Variants in NEB observed in about 807,000 individuals in gnomAD.
NEB encodes the protein nebulin.
A neutral mutation model predicts 952.2 loss-of-function variants in NEB; 512 were observed. The observed-to-expected ratio is 0.54, with a 90% CI of 0.50 to 0.58. NEB has a LOEUF of 0.58. NEB is among the 20% of genes least tolerant of loss of function. The pLI is 0.00. For synonymous variants in NEB, 2,900 were observed against 3,149.8 expected, an observed-to-expected ratio of 0.92 and a Z score of 2.66; for missense variants, 8,428 against 9,231.1, an observed-to-expected ratio of 0.91 and a Z score of 3.56.
At chr2:151,622,530 A>G (rs1214761006) in intron 71 of NEB, among the ~76,000 whole-genome samples, 1 of 151,932 alleles carries the variant, frequency 6.6e-6, no homozygotes, top group East Asian at 1.9e-4. Context: ...ATTTATTAAC[A>G]TTTTTGCCAT....
chr2:151,682,322 TGTGA>T, intron 29 of NEB, among the ~76,000 whole-genome samples: 1 of 152,336 alleles, frequency 6.6e-6, no homozygotes, highest in South Asian at 2.1e-4. Flanking sequence ...GTACACTTAA[TGTGA>T]GTTACTTTTA....
At chr2:151,675,139 G>C in intron 35 of NEB, 148 bp downstream of exon 35, 1 of 691,930 alleles carries the variant, frequency 1.4e-6, no homozygotes, top group Non-Finnish European at 2.6e-6. Flanking sequence ...CAACTGAAGA[G>C]GTAAAGAACC....
intron 65 of NEB, 130 bp from the exon 66 acceptor site, chr2:151,631,476 A>C (rs2098666406): frequency 2.1e-6 from 2 of 969,286 alleles, no homozygotes; most frequent in Middle Eastern, 2.4e-4. Context: ...TGTATAAGGC[A>C]AACTAAAAGA....
intron 36 of NEB, among the ~76,000 whole-genome samples, chr2:151,673,413 G>C (rs1308202766): frequency 6.7e-6 from 1 of 149,434 alleles, no homozygotes; most frequent in Admixed American, 6.7e-5. Flanking sequence ...TTTCTAACAT[G>C]TGAAAAATCA....
chr2:151,690,072 G>C (rs1269153648), intron 24 of NEB: 1 of 152,630 alleles, frequency 6.6e-6, no homozygotes, highest in African/African-American at 2.4e-5. Flanking sequence ...TTATTAGAAA[G>C]TCAGAATATG....
In NEB at chr2:151,617,383, T is replaced by C; in HGVS notation, c.11162A>G (p.Asn3721Ser). 1 of 1,560,530 alleles carries C rather than the reference T, an allele frequency of 6.4e-7. No homozygotes were observed. Among genetic ancestry groups the C allele is most frequent in the East Asian group, 2.3e-5 (1 of 43,026 alleles). Residue 3721 changes from asparagine to serine, a missense_variant, in exon 75 of 182, where the codon AAC becomes AGC. Physicochemically the swap from Asn to Ser is conservative, Grantham distance 46 (BLOSUM62 1). This residue lies in a region of NEB where 1,772 missense variants were observed against 1,960.3 expected (regional missense o/e 0.90). Transcript: ENST00000397345. Reference sequence around the variant, plus strand: ...ACTTACATCACTGTAGTTTATTCGGTTGAGTTTGGCTAACATGATTTCTGG... The same window carrying C: ...ACTTACATCACTGTAGTTTATTCGGCTGAGTTTGGCTAACATGATTTCTGG... ...DTPEIMLAKL[N>S]RINYSDKLYK...
rs371819541 is a variant in NEB, at chr2:151,655,988, T to G, written c.6531A>C (p.Lys2177Asn). The change falls in exon 50 of 182, where the codon AAA (lysine) becomes AAC (asparagine). Residue 2177 changes from lysine to asparagine, a missense_variant. By Grantham distance (94) the Lys-to-Asn change is moderately conservative. This residue lies in a region of NEB where 2,851 missense variants were observed against 2,791.5 expected (regional missense o/e 1.02). Transcript: ENST00000397345. ...AACCTGCTGGACTCCAGCCAAGCCC[T>G]TTGTACCATTCATTGTAATCTTGCT... ...EYKQDYNEWY[K>N]GLGWSPAGSL... 1 of 1,613,710 alleles carries G rather than the reference T, an allele frequency of 6.2e-7. No homozygotes were observed. The highest frequency in any genetic ancestry group is 8.5e-7 in the Non-Finnish European group (1 of 1,179,732).
chr2:151,565,702 T>C lies in NEB; in HGVS notation c.18261+14A>G. The C allele has an allele frequency of 6.2e-7, 1 of 1,606,128 alleles. No individual in the cohort carries two copies. The highest frequency in any genetic ancestry group is 2.2e-5 in the East Asian group (1 of 44,652). ...GGACAGGCATAGGTTAGAAGGAGAA[T>C]AGGCTTTGCGTACCTGACTCATCAT... On this transcript the variant is annotated intron_variant, in intron 115 of 181. Coordinates refer to ENST00000397345, the MANE Select transcript of NEB (RefSeq NM_001164508.2).
In NEB at chr2:151,610,954, C is replaced by A. The variant is rs145487424; in HGVS notation, c.11806-88G>T. The A allele has an allele frequency of 2.0e-4, 161 of 786,726 alleles. 1 individual carries two copies. The East Asian group carries it at 4.4e-3, about 21-fold the overall frequency. 48.7% of individuals were successfully genotyped at this position (786,726 alleles called of 1,614,324 possible). On this transcript the variant is annotated intron_variant, in intron 78 of 181. Transcript: ENST00000397345. ...CCAATAACATCATTACAGTTGTTAGCAAATTTAACTCACATTTAACTATAA... is the reference window on the plus strand; with the variant it reads ...CCAATAACATCATTACAGTTGTTAGAAAATTTAACTCACATTTAACTATAA...
chr2:151,644,555 A>G lies in NEB; in HGVS notation c.7557T>C (p.Tyr2519=). The change falls in exon 56 of 182, where the codon TAT becomes TAC. Residue 2519 remains tyrosine (Y), a synonymous_variant. Coordinates refer to ENST00000397345, the MANE Select transcript of NEB (RefSeq NM_001164508.2). ...CGTAACCTTTTCTCTTCAGCTCCTCATAACCCATTCGGTAGAGTTTCTGTT... is the reference window on the plus strand; with the variant it reads ...CGTAACCTTTTCTCTTCAGCTCCTCGTAACCCATTCGGTAGAGTTTCTGTT... ...NTSDKLYRMG[Y]EELKRKGYDL... is the part of the protein sequence containing the mutation. 1.2e-6 allele frequency: 2 copies of G among 1,613,800 alleles called. No individual in the cohort carries two copies. Among genetic ancestry groups the G allele is most frequent in the African/African-American group, 1.3e-5 (1 of 75,060 alleles).
chr2:151,710,231 C>A (rs911937974), intron 11 of NEB, among the ~76,000 whole-genome samples: 2 of 152,168 alleles, frequency 1.3e-5, no homozygotes, highest in Non-Finnish European at 2.9e-5. Flanking sequence ...GAAATAATGG[C>A]ATGTGGCCAA....
At chr2:151,663,983 G>A (rs2099175508) in intron 44 of NEB, 124 bp from the exon 45 acceptor site, 4 of 951,210 alleles carry the variant, frequency 4.2e-6, no homozygotes, top group Non-Finnish European at 6.1e-6. Flanking sequence ...TGGAAGGGAG[G>A]CACTCGTGAG....
At chr2:151,518,241 G>A (rs965399436) in intron 156 of NEB, 77 bp downstream of exon 156, 6 of 1,017,914 alleles carry the variant, frequency 5.9e-6, no homozygotes, top group Non-Finnish European at 9.4e-6. Context: ...ACAATGGAGG[G>A]AATCTATGAA....
rs977096470 is a variant in NEB, at chr2:151,560,683, G to T, written c.19223C>A (p.Ala6408Asp). 6.2e-7 allele frequency: 1 copy of T among 1,611,138 alleles called. No homozygotes were observed. The highest frequency in any genetic ancestry group is 1.1e-5 in the South Asian group (1 of 90,220). The part of the protein sequence containing the change: ...NLYSSNLYKE[A>D]WDRVKATSYI... ...GCTGGTGGCTTTCACTCTATCCCAGGCCTCCTTGTACAGGTTCTGCAGGAA... is the reference window on the plus strand; with the variant it reads ...GCTGGTGGCTTTCACTCTATCCCAGTCCTCCTTGTACAGGTTCTGCAGGAA... Residue 6408 changes from alanine (A) to aspartate (D), a missense_variant, in exon 124 of 182, where the codon GCC becomes GAC. Physicochemically the swap from Ala to Asp is moderately radical, Grantham distance 126. This residue lies in a region of NEB where 3,374 missense variants were observed against 3,651.5 expected (regional missense o/e 0.92). Transcript: ENST00000397345.
At chr2:151,543,351 T>G (rs2094332548) in intron 135 of NEB, among the ~76,000 whole-genome samples, 1 of 152,188 alleles carries the variant, frequency 6.6e-6, no homozygotes. Context: ...TATATACAAC[T>G]GCAAGTTAAA....
intron 13 of NEB, among the ~76,000 whole-genome samples, chr2:151,706,596 G>A (rs763281240): frequency 1.9e-4 from 29 of 151,936 alleles, no homozygotes; most frequent in Non-Finnish European, 1.0e-4. Flanking sequence ...CCAGGTGCCC[G>A]GAGCTCATAA....
At chr2:151,701,651 G>A (rs1364881838) in intron 13 of NEB, among the ~76,000 whole-genome samples, 21 of 151,484 alleles carry the variant, frequency 1.4e-4, no homozygotes, top group Admixed American at 2.6e-4. Flanking sequence ...GTTTATTTGC[G>A]TAGAGGTGTT....
rs758149842 is a variant in NEB, at chr2:151,655,798, C to T, written c.6702+19G>A. Reference sequence around the variant, plus strand: ...TTTCCTCACGTGGGAGCTGTGTGGACGGCCACTGTTCTCTGTACCTTGTTC... The same window carrying T: ...TTTCCTCACGTGGGAGCTGTGTGGATGGCCACTGTTCTCTGTACCTTGTTC... On this transcript the variant is annotated intron_variant, in intron 50 of 181. Coordinates refer to ENST00000397345, the MANE Select transcript of NEB (RefSeq NM_001164508.2). The T allele has an allele frequency of 2.0e-5, 32 of 1,610,982 alleles. No homozygotes were observed. The highest frequency in any genetic ancestry group is 4.5e-5 in the East Asian group (2 of 44,856).
rs751387280 is a variant in NEB at position 151,492,237 on chromosome 2, T to C, written c.24918A>G (p.Thr8306=). The C allele has an allele frequency of 6.2e-7, 1 of 1,613,912 alleles. No individual in the cohort carries two copies. Among genetic ancestry groups the C allele is most frequent in the Non-Finnish European group, 8.5e-7 (1 of 1,179,858 alleles). Residue 8306 remains threonine (T), a synonymous_variant, in exon 178 of 182, where the codon ACA becomes ACG. Transcript: ENST00000397345. ...EDFEKHKGCF[T]PVVTDPITER... is the part of the protein sequence containing the mutation. ...CAGTGATAGGATCTGTCACCACTGGTGTGAAGCAACCCTTGTGTTTCTCAA... is the reference window on the plus strand; with the variant it reads ...CAGTGATAGGATCTGTCACCACTGGCGTGAAGCAACCCTTGTGTTTCTCAA...
Sources: gnomAD v4.1 joint callset for allele counts (sites outside exome capture counted in the v4.1 genomes callset) on GRCh38, gnomAD v4.1.1 for gene constraint, gnomAD v4.1.1 regional missense constraint, MANE v1.5 for transcripts, NCBI Gene and HGNC (gene_info 2026-07-23, HGNC 2026-07-21) for gene names.